KHDRBS2: variants seen among roughly 807,000 people sequenced by gnomAD.
KHDRBS2 encodes KH RNA binding domain containing, signal transduction associated 2.
KHDRBS2 carries 26 observed loss-of-function variants against 44.3 expected under a neutral mutation model. The ratio of observed to expected loss-of-function variants is 0.59; its 90% CI spans 0.43 to 0.81. The LOEUF is 0.81. Ranked by LOEUF, KHDRBS2 falls within the 40% of genes least tolerant of loss-of-function variation. KHDRBS2 has a pLI of 0.00. For synonymous variants in KHDRBS2, 194 were observed against 151.1 expected (o/e 1.28, Z -2.08); for missense variants, 476 against 433.1 (o/e 1.10, Z -0.88).
At chr6:62,251,578 T>C (rs1335029288) in intron 1 of KHDRBS2, among the ~76,000 whole-genome samples, 1 of 151,942 alleles carries the variant, frequency 6.6e-6, no homozygotes, top group Non-Finnish European at 1.5e-5. Context: ...TTCTGTTTTG[T>C]TAAATAATAG....
intron 5 of KHDRBS2, among the ~76,000 whole-genome samples, chr6:61,900,986 CA>C (rs1386712023): frequency 1.3e-5 from 2 of 152,074 alleles, no homozygotes; most frequent in Admixed American, 1.3e-4. Context: ...TACGTGACCC[CA>C]GGTAAATTTC....
At chr6:62,136,448 T>C (rs912192752) in intron 2 of KHDRBS2, among the ~76,000 whole-genome samples, 13 of 152,342 alleles carry the variant, frequency 8.5e-5, no homozygotes, top group African/African-American at 2.9e-4. Flanking sequence ...AAATGCGTTA[T>C]AGCTAAAGTT....
intron 1 of KHDRBS2, among the ~76,000 whole-genome samples, chr6:62,274,773 T>C (rs1473247506): frequency 6.6e-6 from 1 of 152,152 alleles, no homozygotes; most frequent in African/African-American, 2.4e-5. Context: ...CATTGTATTA[T>C]GGAGATTTTT....
In KHDRBS2 at chr6:61,809,357, A is replaced by G. The variant is rs114253594; in HGVS notation, c.811-76593T>C. Among the ~76,000 whole-genome samples the G allele has an allele frequency of 5.0e-3, 765 of 152,288 alleles. 6 individuals carry two copies. The highest frequency in any genetic ancestry group is 7.5e-3 in the Non-Finnish European group (511 of 68,016). ...TTCTTAATGAGTTTTGCTACGAATT[A>G]GTTTACAGCCCAAGTACATGCTTTG... On this transcript the variant is annotated intron_variant, in intron 6 of 8. Coordinates refer to ENST00000281156, the MANE Select transcript of KHDRBS2 (RefSeq NM_152688.4).
chr6:61,558,256 G>A, the KHDRBS2 span, among the ~76,000 whole-genome samples: 5 of 151,856 alleles, frequency 3.3e-5, no homozygotes, highest in African/African-American at 4.8e-5. Context: ...TTTGATGTAG[G>A]TGCTTATAGC....
At chr6:61,696,739 A>G (rs991814029) in intron 8 of KHDRBS2, among the ~76,000 whole-genome samples, 5 of 152,164 alleles carry the variant, frequency 3.3e-5, no homozygotes, top group East Asian at 1.9e-4. Flanking sequence ...TTGACTATCA[A>G]TTTTTTTGAG....
chr6:61,770,261 C>T (rs1780655702), intron 6 of KHDRBS2, among the ~76,000 whole-genome samples: 1 of 152,098 alleles, frequency 6.6e-6, no homozygotes. Context: ...AAACTGGAAA[C>T]TCTAAAAATC....
chr6:61,988,736 G>T (rs1410061785), intron 3 of KHDRBS2, among the ~76,000 whole-genome samples: 2 of 152,282 alleles, frequency 1.3e-5, no homozygotes, highest in South Asian at 2.1e-4. Context: ...AAGAGCAAAG[G>T]TATCAGGGCA....
chr6:62,050,647 T>C (rs185687892), intron 2 of KHDRBS2, among the ~76,000 whole-genome samples: 1 of 152,024 alleles, frequency 6.6e-6, no homozygotes, highest in East Asian at 1.9e-4. Flanking sequence ...GGAAAACTCA[T>C]GGTAAATGCT....
At chr6:61,919,635 A>C (rs1807670426) in intron 4 of KHDRBS2, among the ~76,000 whole-genome samples, 1 of 151,862 alleles carries the variant, frequency 6.6e-6, no homozygotes, top group South Asian at 2.1e-4. Context: ...TCTTCCTTCT[A>C]ACAGGTATTA....
chr6:61,690,812 A>AGATACT (rs1309323423), intron 8 of KHDRBS2, among the ~76,000 whole-genome samples: 40 of 152,180 alleles, frequency 2.6e-4, no homozygotes, highest in African/African-American at 8.4e-4. Context: ...CATGAGAAGC[A>AGATACT]GATACTGATA....
At chr6:61,600,540 C>G in the KHDRBS2 span, among the ~76,000 whole-genome samples, 1 of 152,138 alleles carries the variant, frequency 6.6e-6, no homozygotes, top group African/African-American at 2.4e-5. Flanking sequence ...CACTGAGTCT[C>G]TTTTCGGACT....
the KHDRBS2 span, among the ~76,000 whole-genome samples, chr6:61,663,680 C>T: frequency 6.7e-6 from 1 of 150,068 alleles, no homozygotes; most frequent in Non-Finnish European, 1.5e-5. Flanking sequence ...TTTTCCACCA[C>T]ACGGTATGGA....
chr6:62,020,467 T>C (rs1782053345), intron 3 of KHDRBS2, among the ~76,000 whole-genome samples: 1 of 152,144 alleles, frequency 6.6e-6, no homozygotes, highest in South Asian at 2.1e-4. Flanking sequence ...TAACTCAGTT[T>C]GGTTGAAAAT....
intron 4 of KHDRBS2, among the ~76,000 whole-genome samples, chr6:61,965,730 G>A (rs1769774799): frequency 1.3e-5 from 2 of 151,856 alleles, no homozygotes; most frequent in African/African-American, 4.8e-5. Context: ...CTATGGTAAA[G>A]TTGTCCTACT....
At chr6:62,092,575 G>A (rs1799687610) in intron 2 of KHDRBS2, among the ~76,000 whole-genome samples, 2 of 152,054 alleles carry the variant, frequency 1.3e-5, no homozygotes, top group Non-Finnish European at 2.9e-5. Context: ...AATCATAATT[G>A]TCTACCTGAC....
intron 1 of KHDRBS2, among the ~76,000 whole-genome samples, chr6:62,213,179 A>G (rs1035742440): frequency 6.6e-6 from 1 of 152,218 alleles, no homozygotes; most frequent in African/African-American, 2.4e-5. Flanking sequence ...TGGGGCATTG[A>G]TAATGTGATT....
chr6:62,217,230 C>T (rs1196006026), intron 1 of KHDRBS2, among the ~76,000 whole-genome samples: 1 of 151,658 alleles, frequency 6.6e-6, no homozygotes, highest in East Asian at 1.9e-4. Flanking sequence ...ATCATACTGT[C>T]ACTAATCCAG....
At chr6:62,092,795 C>A (rs1799726470) in intron 2 of KHDRBS2, among the ~76,000 whole-genome samples, 1 of 152,054 alleles carries the variant, frequency 6.6e-6, no homozygotes, top group African/African-American at 2.4e-5. Flanking sequence ...AGAAATTCTA[C>A]ATTTAGGTTA....
Sources: allele counts gnomAD v4.1 joint callset (sites outside exome capture counted in the v4.1 genomes callset), GRCh38; gene constraint gnomAD v4.1.1; transcripts MANE v1.5; gene names NCBI Gene and HGNC (gene_info 2026-07-23, HGNC 2026-07-21).